Variants in ZNF546 observed in about 807,000 individuals in gnomAD.
ZNF546 encodes CTC-471F3.6.
Under a neutral mutation model 76.2 loss-of-function variants are expected in ZNF546, and 60 were observed. The observed-to-expected ratio is 0.79, with a 90% CI of 0.64 to 0.98. ZNF546 has a LOEUF of 0.98. Among genes scored for constraint, ZNF546 ranks in the 50% least tolerant of loss-of-function variants. The pLI, the probability that ZNF546 is intolerant of heterozygous loss-of-function variation, is 0.00. For missense variants in ZNF546, 936 were observed against 1,035.6 expected (o/e 0.90, Z 1.32); for synonymous variants, 277 against 328.1 (o/e 0.84, Z 1.68).
intron 6 of ZNF546, chr19:40,011,189 T>C (rs1316613925): frequency 2.0e-5 from 3 of 152,130 alleles, no homozygotes; most frequent in Admixed American, 6.5e-5. Context: ...TAAGAAATCT[T>C]TGCCCAATAT....
At chr19:40,000,292 A>T (rs1341638732) in intron 3 of ZNF546, among the ~76,000 whole-genome samples, 1 of 152,050 alleles carries the variant, frequency 6.6e-6, no homozygotes, top group Non-Finnish European at 1.5e-5. Flanking sequence ...GGGTTCCATT[A>T]TGCAAATAAC....
chr19:39,998,434 T>G, intron 3 of ZNF546, 24 bp downstream of exon 3: 1 of 1,589,602 alleles, frequency 6.3e-7, no homozygotes, highest in Non-Finnish European at 8.6e-7. Flanking sequence ...TATCCTGGAG[T>G]CTAAAGTTAA....
rs1372724516 is a variant in ZNF546, at chr19:40,014,592, A to G, written c.1322A>G (p.Tyr441Cys). 17 of 1,613,632 alleles carry G rather than the reference A, an allele frequency of 1.1e-5. No individual in the cohort carries two copies. The highest frequency in any genetic ancestry group is 1.4e-5 in the Non-Finnish European group (17 of 1,179,732). ...AGAATTCATACTGGTGAGAAACCCT[A>G]TGAATGTAGAGAATGTGGAAAAGCC... is the stretch of plus-strand genomic sequence containing the variant. Reference protein sequence around the residue: ...HRRIHTGEKPYECRECGKAFR... With the variant: ...HRRIHTGEKPCECRECGKAFR... Residue 441 changes from tyrosine to cysteine, a missense_variant, in exon 7 of 7, where the codon TAT (tyrosine) becomes TGT (cysteine). Tyr to Cys is a radical substitution (Grantham distance 194, BLOSUM62 -2). Transcript: ENST00000347077.
intron 6 of ZNF546, among the ~76,000 whole-genome samples, chr19:40,012,958 C>T (rs1305560472): frequency 2.6e-5 from 4 of 151,984 alleles, no homozygotes; most frequent in African/African-American, 7.3e-5. Flanking sequence ...GGACTACAGG[C>T]ACCCGCCACC....
chr19:40,001,511 A>G (rs1971529547), intron 3 of ZNF546, among the ~76,000 whole-genome samples: 1 of 151,914 alleles, frequency 6.6e-6, no homozygotes, highest in Non-Finnish European at 1.5e-5. Flanking sequence ...ACAGGTACCC[A>G]CTACCACACC....
At chr19:40,009,748 T>A (rs912354405) in intron 6 of ZNF546, among the ~76,000 whole-genome samples, 7 of 152,188 alleles carry the variant, frequency 4.6e-5, no homozygotes, top group African/African-American at 1.7e-4. Flanking sequence ...ATATGGTGAT[T>A]TTTTTCTTCC....
chr19:40,014,802 A>C lies in ZNF546; in HGVS notation c.1532A>C (p.His511Pro). ...ECGKTFSSRY[H>P]LTQHYRIHTG... ...GGAAAAACCTTCAGTAGTCGCTATC[A>C]TCTCACTCAACACTACAGAATTCAT... The change falls in exon 7 of 7, where the codon CAT (histidine) becomes CCT (proline). Residue 511 changes from histidine to proline, a missense_variant. Physicochemically the swap from His to Pro is moderately conservative, Grantham distance 77 (BLOSUM62 -2). Transcript: ENST00000347077. 2 of 1,613,948 alleles carry C rather than the reference A, an allele frequency of 1.2e-6. No individual in the cohort carries two copies. The highest frequency in any genetic ancestry group is 8.5e-7 in the Non-Finnish European group (1 of 1,179,996).
In ZNF546 at chr19:40,014,329, T is replaced by C; in HGVS notation, c.1059T>C (p.Gly353=). The part of the protein sequence containing the change: ...QLTEHQRIHT[G]ERPYECKVCG... ...CTGAACATCAAAGAATTCATACTGG[T>C]GAGAGGCCTTATGAATGTAAGGTTT... The change falls in exon 7 of 7, where the codon GGT becomes GGC. Residue 353 remains glycine, a synonymous_variant. Transcript: ENST00000347077. The C allele has an allele frequency of 6.2e-7, 1 of 1,614,002 alleles. No homozygotes were observed. Among genetic ancestry groups the C allele is most frequent in the Non-Finnish European group, 8.5e-7 (1 of 1,179,984 alleles).
chr19:39,998,491 A>C, intron 3 of ZNF546, 81 bp downstream of exon 3: 1 of 1,090,202 alleles, frequency 9.2e-7, no homozygotes, highest in Non-Finnish European at 1.4e-6. Flanking sequence ...CACATCATCC[A>C]TCTTCTCCAA....
intron 3 of ZNF546, among the ~76,000 whole-genome samples, chr19:40,002,565 AAGG>A (rs1971542808): frequency 6.6e-6 from 1 of 152,196 alleles, no homozygotes; most frequent in Non-Finnish European, 1.5e-5. Flanking sequence ...AGTTCATAGG[AAGG>A]AGATGTCCAG....
chr19:40,007,426 C>A, intron 5 of ZNF546, 26 bp downstream of exon 5: 1 of 1,567,540 alleles, frequency 6.4e-7, no homozygotes. Flanking sequence ...AAATCGTTTA[C>A]AATCTGTTTT....
chr19:40,015,292 T>G lies in ZNF546; in HGVS notation c.2022T>G (p.Phe674Leu), dbSNP rs867495148. The change falls in exon 7 of 7, where the codon TTT becomes TTG. Residue 674 changes from phenylalanine to leucine, a missense_variant. Physicochemically the swap from Phe to Leu is conservative, Grantham distance 22. Transcript: ENST00000347077. ...PYECTECGKT[F>L]SRHYHLTQHH... ...AATGTACGGAATGTGGGAAGACGTTTAGTCGGCACTATCATCTTACTCAAC... is the reference window on the plus strand; with the variant it reads ...AATGTACGGAATGTGGGAAGACGTTGAGTCGGCACTATCATCTTACTCAAC... 1.9e-6 allele frequency: 3 copies of G among 1,614,080 alleles called. No individual in the cohort carries two copies. Among genetic ancestry groups the G allele is most frequent in the African/African-American group, 2.7e-5 (2 of 75,016 alleles).
intron 3 of ZNF546, chr19:39,999,564 G>C (rs1055942305): frequency 6.6e-6 from 1 of 151,282 alleles, no homozygotes; most frequent in Non-Finnish European, 1.5e-5. Context: ...ACTTTGGGGA[G>C]CTATATTTTA....
Position 40,014,805 on chromosome 19 carries a change from T to G in ZNF546, c.1535T>G (p.Leu512Arg), listed in dbSNP as rs761154620. 6.2e-7 allele frequency: 1 copy of G among 1,613,922 alleles called. No homozygotes were observed. The highest frequency in any genetic ancestry group is 8.5e-7 in the Non-Finnish European group (1 of 1,179,990). The stretch of plus-strand genomic sequence containing the variant: ...AAAACCTTCAGTAGTCGCTATCATC[T>G]CACTCAACACTACAGAATTCATACT... ...CGKTFSSRYH[L>R]TQHYRIHTGE... Residue 512 changes from leucine (L) to arginine (R), a missense_variant, in exon 7 of 7, where the codon CTC becomes CGC. Coordinates refer to ENST00000347077, the MANE Select transcript of ZNF546 (RefSeq NM_178544.5).
rs1364391101 is a variant in ZNF546, at chr19:40,014,223, T to G, written c.953T>G (p.Val318Gly). The G allele has an allele frequency of 6.2e-7, 1 of 1,613,102 alleles. No homozygotes were observed. The highest frequency in any genetic ancestry group is 1.3e-5 in the African/African-American group (1 of 74,856). Residue 318 changes from valine to glycine, a missense_variant, in exon 7 of 7, where the codon GTA becomes GGA. By Grantham distance (109) the Val-to-Gly change is moderately radical (BLOSUM62 -3). Coordinates refer to ENST00000347077, the MANE Select transcript of ZNF546 (RefSeq NM_178544.5). ...KAFSRVRDLR[V>G]HQTIHAGERP... Reference sequence around the variant, plus strand: ...TTTAGTCGTGTTAGAGACCTTAGAGTACATCAGACAATTCATGCTGGAGAG... The same window carrying G: ...TTTAGTCGTGTTAGAGACCTTAGAGGACATCAGACAATTCATGCTGGAGAG...
chr19:39,998,799 G>T (rs1971489189), intron 3 of ZNF546, among the ~76,000 whole-genome samples: 1 of 152,060 alleles, frequency 6.6e-6, no homozygotes, highest in South Asian at 2.1e-4. Context: ...TTGAGAAGGA[G>T]TCTCGCTGTG....
At chr19:40,008,335 A>T in intron 5 of ZNF546, 135 bp from the exon 6 acceptor site, 3 of 528,518 alleles carry the variant, frequency 5.7e-6, no homozygotes, top group African/African-American at 1.9e-5. Context: ...TTTCTTCTTT[A>T]CTGTCATGGC....
At chr19:40,005,834 T>C (rs1971595547) in intron 3 of ZNF546, among the ~76,000 whole-genome samples, 1 of 152,192 alleles carries the variant, frequency 6.6e-6, no homozygotes, top group Admixed American at 6.5e-5. Context: ...ATAAATGCAT[T>C]GCATGGTTAA....
rs984667270 is a variant in ZNF546, at chr19:40,004,470, T to C, written c.85-1626T>C. ...TTTTAGTGGAGATGGGGTTTTGCCA[T>C]GTTCGCCAGGCTGGTCTCGCACTCC... is the stretch of plus-strand genomic sequence containing the variant. On this transcript the variant is annotated intron_variant, in intron 3 of 6. Transcript: ENST00000347077. Among the ~76,000 whole-genome samples, 4 of 152,182 alleles carry C rather than the reference T, an allele frequency of 2.6e-5. No homozygotes were observed. In the South Asian group the frequency reaches 8.3e-4, roughly 32 times the overall value.
Sources: allele counts gnomAD v4.1 joint callset (sites outside exome capture counted in the v4.1 genomes callset), GRCh38; gene constraint gnomAD v4.1.1; transcripts MANE v1.5; gene names NCBI Gene and HGNC (gene_info 2026-07-23, HGNC 2026-07-21).